The following CATSPERD variants were observed in gnomAD, a reference collection of about 807,000 sequenced individuals.
CATSPERD encodes the protein catsper channel auxiliary subunit delta, also known as cation channel sperm-associated auxiliary subunit delta.
In CATSPERD, 86 loss-of-function variants were observed where a neutral mutation model predicts 98.1. That is an observed-to-expected ratio of 0.88 (90% CI 0.74 to 1.05). The LOEUF (loss-of-function observed/expected upper bound fraction) is 1.05. Ranked by LOEUF, CATSPERD falls within the 50% of genes least tolerant of loss-of-function variation. CATSPERD has a pLI of 0.00. For synonymous variants in CATSPERD, 394 were observed against 390.2 expected (o/e 1.01, Z -0.12); for missense variants, 995 against 1,005.7 (o/e 0.99, Z 0.14).
chr19:5,771,179 A>C, intron 19 of CATSPERD, 107 bp downstream of exon 19: 1 of 1,237,004 alleles, frequency 8.1e-7, no homozygotes. Flanking sequence ...ATCCCTCAAA[A>C]TGATGATGGT....
In CATSPERD at chr19:5,778,678, G is replaced by A. The variant is rs1164851188; in HGVS notation, c.*2G>A. The A allele has an allele frequency of 1.4e-5, 23 of 1,610,354 alleles. No individual in the cohort carries two copies. The highest frequency in any genetic ancestry group is 1.9e-5 in the Non-Finnish European group (22 of 1,178,218). On this transcript the variant is annotated 3_prime_UTR_variant, in exon 22 of 22. Coordinates refer to ENST00000381624, the MANE Select transcript of CATSPERD (RefSeq NM_152784.4). ...CACGGAGGCAGGTCTGACCACTGAG[G>A]CCGGTCCACAGGGTCCCAACCCCTT...
At chr19:5,769,529 C>T (rs2056607195) in intron 18 of CATSPERD, among the ~76,000 whole-genome samples, 1 of 152,024 alleles carries the variant, frequency 6.6e-6, no homozygotes, top group South Asian at 2.1e-4. Context: ...CCAAACCATA[C>T]GAAGACCCCT....
At chr19:5,730,755 G>A (rs2055699204) in intron 4 of CATSPERD, among the ~76,000 whole-genome samples, 1 of 151,964 alleles carries the variant, frequency 6.6e-6, no homozygotes, top group Admixed American at 6.6e-5. Context: ...GCTCACGCCT[G>A]TAATCCCAGC....
intron 4 of CATSPERD, 116 bp downstream of exon 4, chr19:5,730,060 A>G (rs2055684326): frequency 1.5e-6 from 1 of 647,680 alleles, no homozygotes; most frequent in Non-Finnish European, 2.6e-6. Context: ...TTATTTTACA[A>G]TGTACCTCTT....
intron 18 of CATSPERD, among the ~76,000 whole-genome samples, chr19:5,769,017 G>A (rs1599590656): frequency 6.6e-6 from 1 of 152,090 alleles, no homozygotes; most frequent in South Asian, 2.1e-4. Flanking sequence ...AGCCAGGCAT[G>A]GTGGTGGGCA....
At position 5,751,830 on chromosome 19, in the gene CATSPERD, G is replaced by C; in HGVS notation, c.1164+7G>C. ...CCACGTTGGAAAGTGCAAGGTATGTGATCCTAACTGTTTTGATCAATGTTC... is the reference window on the plus strand; with the variant it reads ...CCACGTTGGAAAGTGCAAGGTATGTCATCCTAACTGTTTTGATCAATGTTC... On this transcript the variant is annotated splice_region_variant and intron_variant, in intron 12 of 21. Coordinates refer to ENST00000381624, the MANE Select transcript of CATSPERD (RefSeq NM_152784.4). The C allele has an allele frequency of 6.2e-7, 1 of 1,605,594 alleles. No individual in the cohort carries two copies. The highest frequency in any genetic ancestry group is 8.5e-7 in the Non-Finnish European group (1 of 1,174,974).
At chr19:5,747,260 C>T (rs536858247) in intron 9 of CATSPERD, among the ~76,000 whole-genome samples, 82 of 151,156 alleles carry the variant, frequency 5.4e-4, no homozygotes, top group Non-Finnish European at 7.7e-4. Flanking sequence ...GCAGCCTCCC[C>T]ACCTCTCAGG....
chr19:5,739,537 A>T, intron 7 of CATSPERD, 98 bp downstream of exon 7: 1 of 700,438 alleles, frequency 1.4e-6, no homozygotes, highest in South Asian at 1.6e-5. Context: ...TTTCCTCTTT[A>T]AGAGTCCAAC....
chr19:5,756,149 C>T (rs1226217893), intron 13 of CATSPERD, among the ~76,000 whole-genome samples: 1 of 151,822 alleles, frequency 6.6e-6, no homozygotes, highest in African/African-American at 2.4e-5. Context: ...GGTGTGGTGG[C>T]ACATGCCTGT....
intron 13 of CATSPERD, among the ~76,000 whole-genome samples, chr19:5,757,581 G>A (rs190773983): frequency 0.011 from 1,682 of 148,884 alleles, 24 homozygotes; most frequent in African/African-American, 0.04. Context: ...ACAGGCGTGA[G>A]CCACCGCGCC....
chr19:5,749,347 C>A (rs553273284), intron 11 of CATSPERD, among the ~76,000 whole-genome samples, 164 bp downstream of exon 11: 18 of 152,090 alleles, frequency 1.2e-4, no homozygotes, highest in African/African-American at 4.3e-4. Context: ...CAAAAATTAG[C>A]CGAGCCTGGT....
intron 15 of CATSPERD, 111 bp downstream of exon 15, chr19:5,759,255 C>T (rs2056388024): frequency 9.8e-7 from 1 of 1,017,046 alleles, no homozygotes; most frequent in Non-Finnish European, 1.5e-6. Context: ...AACAGTAAAA[C>T]AAGGCGATTA....
At chr19:5,776,883 A>C (rs2056749920) in intron 21 of CATSPERD, among the ~76,000 whole-genome samples, 1 of 152,110 alleles carries the variant, frequency 6.6e-6, no homozygotes. Context: ...ATCTCAAAAA[A>C]AAAAAAAAAA....
chr19:5,729,136 C>T (rs546621219), intron 3 of CATSPERD, among the ~76,000 whole-genome samples: 1 of 152,008 alleles, frequency 6.6e-6, no homozygotes, highest in East Asian at 1.9e-4. Context: ...ACTCTTGTCG[C>T]CCAGGCTGGC....
At chr19:5,750,415 C>T (rs1209306103) in intron 11 of CATSPERD, among the ~76,000 whole-genome samples, 3 of 135,964 alleles carry the variant, frequency 2.2e-5, no homozygotes, top group Non-Finnish European at 4.6e-5. Flanking sequence ...CAAGCCACTG[C>T]ACTCTAGCCT....
intron 15 of CATSPERD, among the ~76,000 whole-genome samples, chr19:5,761,171 G>A (rs1002334397): frequency 6.6e-6 from 1 of 151,924 alleles, no homozygotes. Context: ...GCATGATCTC[G>A]GCTCACTGCA....
At chr19:5,734,692 C>T (rs188011357) in intron 5 of CATSPERD, among the ~76,000 whole-genome samples, 111 of 151,818 alleles carry the variant, frequency 7.3e-4, no homozygotes, top group Non-Finnish European at 2.9e-4. Flanking sequence ...TCCCAGCTTA[C>T]TCTGGAGCCC....
rs1007916638 is a variant in CATSPERD, at chr19:5,772,883, A to G, written c.1859A>G (p.Gln620Arg). ...TCATACTCCTATTCCCTGACGGCCC[A>G]GTCGGCCATGTGTACCTCCCAGCCG... ...QFSYSYSLTA[Q>R]SAMCTSQPQN... Residue 620 changes from glutamine to arginine, a missense_variant, in exon 20 of 22, where the codon CAG (glutamine) becomes CGG (arginine). Gln to Arg is a conservative substitution (Grantham distance 43, BLOSUM62 1). Coordinates refer to ENST00000381624, the MANE Select transcript of CATSPERD (RefSeq NM_152784.4). 3.1e-6 allele frequency: 5 copies of G among 1,614,006 alleles called. No homozygotes were observed. The highest frequency in any genetic ancestry group is 3.3e-5 in the Admixed American group (2 of 59,984).
chr19:5,724,716 T>C (rs1280231928), intron 1 of CATSPERD, 92 bp from the exon 2 acceptor site: 11 of 1,292,200 alleles, frequency 8.5e-6, no homozygotes, highest in Non-Finnish European at 9.0e-6. Flanking sequence ...AAAGAACAGA[T>C]ACTTTAGGGT....
Sources: gnomAD v4.1 joint callset for allele counts (sites outside exome capture counted in the v4.1 genomes callset) on GRCh38, gnomAD v4.1.1 for gene constraint, MANE v1.5 for transcripts, NCBI Gene and HGNC (gene_info 2026-07-23, HGNC 2026-07-21) for gene names.